The following HERC1 variants were observed in gnomAD, a reference collection of about 807,000 sequenced individuals.
The protein encoded by HERC1 is HECT and RLD domain containing E3 ubiquitin protein ligase family member 1.
A neutral mutation model predicts 554.3 loss-of-function variants in HERC1; 160 were observed. That is an observed-to-expected ratio of 0.29 (90% CI 0.25 to 0.33). The LOEUF (loss-of-function observed/expected upper bound fraction) is 0.33. Among genes scored for constraint, HERC1 ranks in the 10% least tolerant of loss-of-function variants. The pLI is 1.00. For missense variants in HERC1, 4,919 were observed against 5,918.5 expected (o/e 0.83, Z 5.54); for synonymous variants, 2,175 against 2,131.7 (o/e 1.02, Z -0.56).
rs182477745 is a variant in HERC1, at chr15:63,659,459, C to T, written c.9424+277G>A. On this transcript the variant is annotated intron_variant, in intron 47 of 77. Coordinates refer to ENST00000443617, the MANE Select transcript of HERC1 (RefSeq NM_003922.4). The stretch of plus-strand genomic sequence containing the variant: ...AATAGAAATGGGTCTCACCATGTTG[C>T]CCAGCCTGGTCTTGAACTGCTGGCC... Among the ~76,000 whole-genome samples, 537 of 152,148 alleles carry T rather than the reference C, an allele frequency of 3.5e-3. 1 individual carries two copies. The highest frequency in any genetic ancestry group is 5.2e-3 in the Non-Finnish European group (351 of 67,994).
chr15:63,638,579 C>T (rs769241290), intron 62 of HERC1, 43 bp from the exon 63 acceptor site: 9 of 1,613,278 alleles, frequency 5.6e-6, no homozygotes, highest in Non-Finnish European at 7.6e-6. Context: ...CATCCATTCA[C>T]TCAAACAGCC....
chr15:63,616,520 G>A lies in HERC1; in HGVS notation c.13851C>T (p.Asp4617=), dbSNP rs367585281. 6.2e-7 allele frequency: 1 copy of A among 1,613,916 alleles called. No homozygotes were observed. The highest frequency in any genetic ancestry group is 8.5e-7 in the Non-Finnish European group (1 of 1,179,870). ...CGTAGAGCAGATCCACCTCCTCCAG[G>A]TCCTCTAGGGTGAGTGGGACACAGC... ...QLCCVPLTLE[D]LEEVDLLYVQ... is the part of the protein sequence containing the mutation. Residue 4617 remains aspartate, a synonymous_variant, in exon 75 of 78, where the codon GAC becomes GAT. Transcript: ENST00000443617.
intron 19 of HERC1, among the ~76,000 whole-genome samples, chr15:63,719,222 T>C (rs1204447928): frequency 6.6e-6 from 1 of 152,216 alleles, no homozygotes; most frequent in Non-Finnish European, 1.5e-5. Flanking sequence ...GTACTGTATA[T>C]GTGGGATTAC....
rs1440777471 is a variant in HERC1, at chr15:63,718,014, A to C, written c.3978+560T>G. ...CTTTCGTCCTAGTTGTGTCCTCCGG[A>C]ACAAGGAAAACATTTATTTCCTCTC... On this transcript the variant is annotated intron_variant, in intron 21 of 77. Coordinates refer to ENST00000443617, the MANE Select transcript of HERC1 (RefSeq NM_003922.4). The surrounding 1 kb of genome is among the most constrained non-coding windows in gnomAD (Gnocchi z 4.2). Among the ~76,000 whole-genome samples the C allele has an allele frequency of 6.6e-6, 1 of 152,006 alleles. No homozygotes were observed. Among genetic ancestry groups the C allele is most frequent in the Non-Finnish European group, 1.5e-5 (1 of 67,998 alleles).
chr15:63,673,756 G>A (rs573056082), intron 38 of HERC1, among the ~76,000 whole-genome samples: 83 of 152,270 alleles, frequency 5.5e-4, no homozygotes, highest in African/African-American at 1.9e-3. Flanking sequence ...ACAGAGTCTC[G>A]CTCAGCCGCC....
At chr15:63,653,181 C>G (rs930965792) in intron 51 of HERC1, among the ~76,000 whole-genome samples, 1 of 152,098 alleles carries the variant, frequency 6.6e-6, no homozygotes, top group Non-Finnish European at 1.5e-5. Context: ...TGGCTCACAC[C>G]TGTAATCCCA....
intron 1 of HERC1, among the ~76,000 whole-genome samples, chr15:63,787,975 AAAAAAAAG>A (rs1330550885): frequency 1.3e-5 from 2 of 151,216 alleles, no homozygotes; most frequent in Non-Finnish European, 2.9e-5. Context: ...AAAAAAAAAA[AAAAAAAAG>A]ACAAAACAAA....
chr15:63,663,397 A>G (rs2070454306), intron 43 of HERC1, among the ~76,000 whole-genome samples, 193 bp from the exon 44 acceptor site: 1 of 152,164 alleles, frequency 6.6e-6, no homozygotes, highest in South Asian at 2.1e-4. Context: ...AATAGCACTC[A>G]TATCTCACTG....
In HERC1 at chr15:63,683,479, C is replaced by T. The variant is rs905081643; in HGVS notation, c.6226-2703G>A. On this transcript the variant is annotated intron_variant, in intron 34 of 77. Coordinates refer to ENST00000443617, the MANE Select transcript of HERC1 (RefSeq NM_003922.4). ...AAAAACATTCAGTGGCTAACGAGTT[C>T]TTATAAAATCATATGTCTAACACTT... Among the ~76,000 whole-genome samples the T allele has an allele frequency of 2.6e-5, 4 of 152,264 alleles. No homozygotes were observed. The East Asian group carries it at 7.7e-4, about 29-fold the overall frequency.
rs8025309 is a variant in HERC1 at position 63,692,901 on chromosome 15, A to C, written c.5675-335T>G. ...TATAATCCAGTTCCCAAATATCAGG[A>C]CAGGCGCAATGGCTCACATCTGTAA... On this transcript the variant is annotated intron_variant, in intron 30 of 77. Coordinates refer to ENST00000443617, the MANE Select transcript of HERC1 (RefSeq NM_003922.4). This position sits in a 1 kb window ranked among gnomAD's most constrained non-coding sequence, Gnocchi z 4.7. Among the ~76,000 whole-genome samples, 123,784 of 152,110 alleles carry C rather than the reference A, an allele frequency of 0.81. 52,242 individuals are homozygous for C. Among genetic ancestry groups the C allele is most frequent in the Non-Finnish European group, 0.88 (59,544 of 67,990 alleles).
At chr15:63,829,157 G>A (rs56113145) in intron 1 of HERC1, among the ~76,000 whole-genome samples, 4,733 of 152,036 alleles carry the variant, frequency 0.031, 104 homozygotes, top group Non-Finnish European at 0.049. Flanking sequence ...TGTGGCTCAC[G>A]CATGGAATCC....
At chr15:63,810,001 T>C (rs2077251836) in intron 1 of HERC1, among the ~76,000 whole-genome samples, 1 of 152,020 alleles carries the variant, frequency 6.6e-6, no homozygotes, top group African/African-American at 2.4e-5. Context: ...AGTCCACAAA[T>C]AATAAACTGG....
rs1171946443 is a variant in HERC1, at chr15:63,637,620, G to A, written c.12117C>T (p.Thr4039=). The A allele has an allele frequency of 6.4e-7, 1 of 1,551,352 alleles. No homozygotes were observed. The highest frequency in any genetic ancestry group is 8.7e-7 in the Non-Finnish European group (1 of 1,146,656). ...AQQVICGQNC[T]FVIQANGTVL... ...CTGTGCCATTGGCCTGGATGACAAA[G>A]GTACAATTCTGACCACAAATGACCT... Residue 4039 remains threonine, a synonymous_variant, in exon 64 of 78, where the codon ACC becomes ACT. Coordinates refer to ENST00000443617, the MANE Select transcript of HERC1 (RefSeq NM_003922.4).
intron 8 of HERC1, among the ~76,000 whole-genome samples, chr15:63,751,919 ATTATC>A (rs2075263152): frequency 6.6e-6 from 1 of 151,998 alleles, no homozygotes; most frequent in African/African-American, 2.4e-5. Context: ...AATTCTAATG[ATTATC>A]TTATGTGATC....
chr15:63,730,026 C>CAA (rs57121923), intron 14 of HERC1, among the ~76,000 whole-genome samples: 31 of 71,458 alleles, frequency 4.3e-4, no homozygotes, highest in East Asian at 1.9e-3. Context: ...AACTATGTCT[C>CAA]AAAAAAAAAA....
intron 46 of HERC1, among the ~76,000 whole-genome samples, chr15:63,660,484 T>C (rs184655477): frequency 6.6e-6 from 1 of 152,274 alleles, no homozygotes; most frequent in East Asian, 1.9e-4. Flanking sequence ...AGGGAGTCAA[T>C]GTAGTTAAAT....
At chr15:63,745,407 C>T (rs1442388709) in intron 12 of HERC1, among the ~76,000 whole-genome samples, 1 of 152,224 alleles carries the variant, frequency 6.6e-6, no homozygotes, top group Non-Finnish European at 1.5e-5. Context: ...CCCTCAGTGG[C>T]AAGCCTTGCA....
In HERC1 at chr15:63,628,925, C is replaced by T. The variant is rs1040211720; in HGVS notation, c.12967-110G>A. The stretch of plus-strand genomic sequence containing the variant: ...AGACATAAATAAGTTAATAACTGTA[C>T]CATGCATCAGCATCAATAAAACACA... On this transcript the variant is annotated intron_variant, in intron 69 of 77. Coordinates refer to ENST00000443617, the MANE Select transcript of HERC1 (RefSeq NM_003922.4). 3.1e-6 allele frequency: 3 copies of T among 974,520 alleles called. No individual in the cohort carries two copies. The African/African-American group carries it at 4.9e-5, about 16-fold the overall frequency. 60.4% of individuals were successfully genotyped at this position (974,520 alleles called of 1,614,324 possible).
chr15:63,615,425 A>G (rs970586900), intron 76 of HERC1, among the ~76,000 whole-genome samples: 9 of 152,162 alleles, frequency 5.9e-5, no homozygotes, highest in Admixed American at 5.2e-4. Flanking sequence ...CCTGGCTAAC[A>G]TGGCAAAACC....
Sources: allele counts gnomAD v4.1 joint callset (sites outside exome capture counted in the v4.1 genomes callset), GRCh38; gene constraint gnomAD v4.1.1; non-coding constraint Gnocchi (gnomAD v3.1); transcripts MANE v1.5; gene names NCBI Gene and HGNC (gene_info 2026-07-23, HGNC 2026-07-21).